Variants in LINGO2 observed in about 807,000 individuals in gnomAD.
LINGO2 encodes the protein leucine-rich repeat and immunoglobulin-like domain-containing nogo receptor-interacting protein 2.
Under a neutral mutation model 30.6 loss-of-function variants are expected in LINGO2, and 14 were observed. The observed-to-expected ratio is 0.46, with a 90% CI of 0.30 to 0.72. The LOEUF (loss-of-function observed/expected upper bound fraction) is 0.72. LINGO2 is among the 30% of genes least tolerant of loss of function. The probability of loss-of-function intolerance (pLI) is 0.07; values close to 1 mark genes in which losing one functional copy is unlikely to be tolerated. For missense variants in LINGO2, 729 were observed against 751.7 expected (o/e 0.97, Z 0.35); for synonymous variants, 317 against 288.5 (o/e 1.10, Z -1.00).
intron 4 of LINGO2, among the ~76,000 whole-genome samples, chr9:28,082,948 A>G (rs1452360): frequency 0.99 from 150,065 of 152,232 alleles, 74,005 homozygotes; most frequent in Middle Eastern, 1. Context: ...CACACTGATC[A>G]TTATTGTCCC....
chr9:28,875,423 A>G, the LINGO2 span, among the ~76,000 whole-genome samples: 1 of 152,060 alleles, frequency 6.6e-6, no homozygotes, highest in African/African-American at 2.4e-5. Flanking sequence ...TGAATTTCTT[A>G]ACAAAAAAGG....
intron 4 of LINGO2, among the ~76,000 whole-genome samples, chr9:28,127,081 G>A (rs1307633735): frequency 6.6e-6 from 1 of 152,190 alleles, no homozygotes. Flanking sequence ...TTAGGTAGAT[G>A]AAATTTCGCT....
At chr9:28,392,250 C>T (rs1821869899) in intron 2 of LINGO2, among the ~76,000 whole-genome samples, 1 of 152,026 alleles carries the variant, frequency 6.6e-6, no homozygotes, top group Admixed American at 6.6e-5. Context: ...CATCTTTAGT[C>T]AGTGAAGATA....
intron 2 of LINGO2, among the ~76,000 whole-genome samples, chr9:28,450,492 T>C (rs1824606092): frequency 6.6e-6 from 1 of 152,042 alleles, no homozygotes; most frequent in Non-Finnish European, 1.5e-5. Flanking sequence ...TCTAGAGTAG[T>C]AGCATTAATT....
At chr9:28,885,596 A>G in the LINGO2 span, among the ~76,000 whole-genome samples, 6 of 151,986 alleles carry the variant, frequency 3.9e-5, no homozygotes, top group Admixed American at 3.9e-4. Flanking sequence ...GCAATTAAAT[A>G]TTAAAGTCTA....
intron 4 of LINGO2, among the ~76,000 whole-genome samples, chr9:28,272,765 G>A (rs1430478217): frequency 6.6e-6 from 1 of 152,032 alleles, no homozygotes; most frequent in Non-Finnish European, 1.5e-5. Flanking sequence ...TATTGGCCCA[G>A]TAATCATGAG....
Position 27,948,909 on chromosome 9 carries a change from C to G in LINGO2, c.1763G>C (p.Gly588Ala), listed in dbSNP as rs1003199962. Residue 588 changes from glycine (G) to alanine (A), a missense_variant, in exon 6 of 6, where the codon GGT becomes GCT. By Grantham distance (60) the Gly-to-Ala change is moderately conservative (BLOSUM62 0). Transcript: ENST00000379992. The stretch of plus-strand genomic sequence containing the variant: ...AGCTACCTCCCCTTCCACAACAGCA[C>G]CATTGTTTTTTCTGGGCACATACTC... The G allele has an allele frequency of 8.7e-6, 14 of 1,614,098 alleles. No homozygotes were observed. The East Asian group carries it at 2.7e-4, about 31-fold the overall frequency.
At chr9:29,121,686 A>G in the LINGO2 span, among the ~76,000 whole-genome samples, 3 of 152,266 alleles carry the variant, frequency 2.0e-5, no homozygotes, top group South Asian at 2.1e-4. Flanking sequence ...CATATGATCA[A>G]CAACAAAAGG....
chr9:28,101,281 T>C (rs1361792821), intron 4 of LINGO2, among the ~76,000 whole-genome samples: 2 of 152,050 alleles, frequency 1.3e-5, no homozygotes, highest in South Asian at 2.1e-4. Context: ...ATCTTGAGTA[T>C]ACAGCTCCAG....
the LINGO2 span, among the ~76,000 whole-genome samples, chr9:29,003,506 TAC>T: frequency 6.6e-6 from 1 of 151,626 alleles, no homozygotes; most frequent in Non-Finnish European, 1.5e-5. Context: ...AAAAAAGAAA[TAC>T]ACACACACAG....
chr9:28,424,603 C>A (rs1274718595), intron 2 of LINGO2, among the ~76,000 whole-genome samples: 2 of 152,146 alleles, frequency 1.3e-5, no homozygotes, highest in Admixed American at 6.6e-5. Flanking sequence ...TTTATGGTAG[C>A]ATTTTATGCA....
At chr9:28,700,665 C>T in the LINGO2 span, among the ~76,000 whole-genome samples, 5 of 152,006 alleles carry the variant, frequency 3.3e-5, no homozygotes, top group Admixed American at 1.3e-4. Flanking sequence ...TAGGTAAATA[C>T]CAAAGAGCAC....
chr9:28,038,735 G>T (rs1824063082), intron 4 of LINGO2, among the ~76,000 whole-genome samples: 1 of 150,558 alleles, frequency 6.6e-6, no homozygotes, highest in African/African-American at 2.4e-5. Flanking sequence ...TATAACATAT[G>T]TAGTAGACCC....
At chr9:28,911,294 T>C in the LINGO2 span, among the ~76,000 whole-genome samples, 1 of 150,788 alleles carries the variant, frequency 6.6e-6, no homozygotes, top group African/African-American at 2.4e-5. Context: ...TTCAATCTTA[T>C]TTTAGAAAAA....
At chr9:29,203,071 A>G in the LINGO2 span, among the ~76,000 whole-genome samples, 1 of 152,132 alleles carries the variant, frequency 6.6e-6, no homozygotes, top group Non-Finnish European at 1.5e-5. Context: ...TTCAGAACCA[A>G]CCATATATAT....
chr9:28,502,647 T>A (rs1246464623), intron 1 of LINGO2, among the ~76,000 whole-genome samples: 1 of 152,068 alleles, frequency 6.6e-6, no homozygotes, highest in African/African-American at 2.4e-5. Flanking sequence ...AATATTATAG[T>A]GACATTTGTT....
chr9:28,878,520 GCA>G, the LINGO2 span, among the ~76,000 whole-genome samples: 1 of 152,036 alleles, frequency 6.6e-6, no homozygotes. Context: ...CCAAAGCCAG[GCA>G]GAGACACAAC....
chr9:28,561,780 TA>T (rs35903053), intron 1 of LINGO2, among the ~76,000 whole-genome samples: 13 of 107,572 alleles, frequency 1.2e-4, no homozygotes, highest in South Asian at 2.7e-4. Flanking sequence ...TATATATATA[TA>T]AAAAATATGC....
chr9:28,884,597 A>G, the LINGO2 span, among the ~76,000 whole-genome samples: 1 of 151,198 alleles, frequency 6.6e-6, no homozygotes, highest in African/African-American at 2.4e-5. Flanking sequence ...ATAATTCCCA[A>G]ATTGTAAGTT....
Sources: gnomAD v4.1 joint callset for allele counts (sites outside exome capture counted in the v4.1 genomes callset) on GRCh38, gnomAD v4.1.1 for gene constraint, MANE v1.5 for transcripts, NCBI Gene and HGNC (gene_info 2026-07-23, HGNC 2026-07-21) for gene names.